CNTNAP2: variants seen among roughly 807,000 people sequenced by gnomAD.
The protein encoded by CNTNAP2 is contactin-associated protein-like 2.
In CNTNAP2, 98 loss-of-function variants were observed where a neutral mutation model predicts 155.2. The observed-to-expected ratio is 0.63, with a 90% confidence interval of 0.54 to 0.75. The LOEUF (loss-of-function observed/expected upper bound fraction) is 0.75. Ranked by LOEUF, CNTNAP2 falls within the 30% of genes least tolerant of loss-of-function variation. CNTNAP2 has a pLI of 0.00. For synonymous variants in CNTNAP2, 651 were observed against 631.2 expected, an observed-to-expected ratio of 1.03 and a Z score of -0.47; for missense variants, 1,727 against 1,688.1, an observed-to-expected ratio of 1.02 and a Z score of -0.40.
chr7:147,424,453 T>TTC (rs376803623), intron 10 of CNTNAP2, among the ~76,000 whole-genome samples: 7 of 151,926 alleles, frequency 4.6e-5, no homozygotes, highest in African/African-American at 7.2e-5. Flanking sequence ...TTCTTAGTAT[T>TTC]TCTCTCTCTC....
At chr7:148,040,437 C>T (rs546526100) in intron 15 of CNTNAP2, among the ~76,000 whole-genome samples, 1 of 152,238 alleles carries the variant, frequency 6.6e-6, no homozygotes, top group Admixed American at 6.5e-5. Context: ...GACTTAATTG[C>T]TCTGGAAAAG....
At chr7:147,366,563 C>T (rs1796232635) in intron 9 of CNTNAP2, among the ~76,000 whole-genome samples, 1 of 151,548 alleles carries the variant, frequency 6.6e-6, no homozygotes, top group African/African-American at 2.4e-5. Flanking sequence ...ATTTTTGTTA[C>T]TTCTTAAGAT....
chr7:148,119,545 A>T (rs927441271), intron 16 of CNTNAP2, among the ~76,000 whole-genome samples: 3 of 152,110 alleles, frequency 2.0e-5, no homozygotes, highest in Non-Finnish European at 4.4e-5. Context: ...CAGAAAAAAA[A>T]GTCTCCCTTT....
intron 13 of CNTNAP2, among the ~76,000 whole-genome samples, chr7:147,837,968 C>T (rs920724793): frequency 1.3e-5 from 2 of 152,172 alleles, no homozygotes; most frequent in Admixed American, 6.5e-5. Context: ...CACCCCGCCC[C>T]TGCAGCAAAT....
intron 5 of CNTNAP2, among the ~76,000 whole-genome samples, chr7:147,120,341 T>C (rs1032384314): frequency 3.9e-5 from 6 of 152,120 alleles, no homozygotes; most frequent in Admixed American, 1.3e-4. Context: ...TCTTCCCTAT[T>C]GTATATATGA....
intron 14 of CNTNAP2, among the ~76,000 whole-genome samples, chr7:147,928,622 T>C (rs1406358373): frequency 6.6e-6 from 1 of 152,146 alleles, no homozygotes; most frequent in Non-Finnish European, 1.5e-5. Context: ...ATGTTTTTGG[T>C]AGCCTAATAT....
intron 4 of CNTNAP2, among the ~76,000 whole-genome samples, chr7:147,088,810 G>T (rs1800335434): frequency 6.6e-6 from 1 of 152,124 alleles, no homozygotes; most frequent in African/African-American, 2.4e-5. Flanking sequence ...TGGACATGGT[G>T]GTGCCTCCCT....
intron 22 of CNTNAP2, among the ~76,000 whole-genome samples, chr7:148,400,882 A>T (rs982759787): frequency 1.3e-5 from 2 of 152,062 alleles, no homozygotes; most frequent in African/African-American, 4.8e-5. Context: ...CAGGAGGCTG[A>T]GGCAGGAGAA....
At chr7:146,564,443 A>G (rs1277223455) in intron 1 of CNTNAP2, among the ~76,000 whole-genome samples, 1 of 151,348 alleles carries the variant, frequency 6.6e-6, no homozygotes, top group Non-Finnish European at 1.5e-5. Context: ...TCTGGCACAG[A>G]GTAAGTACTT....
At chr7:147,033,335 A>G (rs761924850) in intron 3 of CNTNAP2, among the ~76,000 whole-genome samples, 3 of 151,290 alleles carry the variant, frequency 2.0e-5, no homozygotes, top group African/African-American at 4.9e-5. Flanking sequence ...TAATTTTTAC[A>G]TCTCTCCTGG....
chr7:148,290,805 T>C (rs1249490578), intron 21 of CNTNAP2, among the ~76,000 whole-genome samples: 2 of 152,208 alleles, frequency 1.3e-5, no homozygotes, highest in Non-Finnish European at 2.9e-5. Context: ...ATTCTGGCTC[T>C]AAACACAGGT....
At chr7:146,815,141 CA>C (rs1803140563) in intron 2 of CNTNAP2, among the ~76,000 whole-genome samples, 2 of 152,030 alleles carry the variant, frequency 1.3e-5, no homozygotes, top group Admixed American at 1.3e-4. Context: ...GTGCTGAATG[CA>C]GTTTTAAAAA....
At chr7:147,647,533 C>T in intron 13 of CNTNAP2, among the ~76,000 whole-genome samples, 1 of 152,204 alleles carries the variant, frequency 6.6e-6, no homozygotes, top group East Asian at 1.9e-4. Context: ...TAGGGCCTAA[C>T]CTCTATCACT....
chr7:146,483,328 T>TATATATATATAC (rs1459820598), intron 1 of CNTNAP2, among the ~76,000 whole-genome samples: 12 of 81,536 alleles, frequency 1.5e-4, no homozygotes, highest in Non-Finnish European at 2.3e-4. Flanking sequence ...TATATATATA[T>TATATATATATAC]ACATATATAT....
At chr7:146,234,884 A>G (rs1014527763) in intron 1 of CNTNAP2, among the ~76,000 whole-genome samples, 4 of 152,172 alleles carry the variant, frequency 2.6e-5, no homozygotes, top group South Asian at 2.1e-4. Flanking sequence ...TGGGAAGTCA[A>G]TTGTCCTGCT....
chr7:147,669,037 G>C (rs545829851), intron 13 of CNTNAP2, among the ~76,000 whole-genome samples: 23 of 152,090 alleles, frequency 1.5e-4, no homozygotes, highest in African/African-American at 5.5e-4. Context: ...TTGTGTTACA[G>C]TTGCCTAAGG....
At chr7:147,366,461 C>G (rs938964601) in intron 9 of CNTNAP2, among the ~76,000 whole-genome samples, 5 of 151,740 alleles carry the variant, frequency 3.3e-5, no homozygotes, top group Non-Finnish European at 5.9e-5. Flanking sequence ...CTTTGTATTA[C>G]CTTTCCTTTA....
chr7:146,391,640 A>T (rs541741793), intron 1 of CNTNAP2, among the ~76,000 whole-genome samples: 5 of 152,180 alleles, frequency 3.3e-5, no homozygotes, highest in Non-Finnish European at 7.3e-5. Context: ...ATGACTATCA[A>T]TTCACTTCAA....
chr7:148,366,284 ATG>A (rs1322540841), intron 21 of CNTNAP2, among the ~76,000 whole-genome samples: 2 of 149,250 alleles, frequency 1.3e-5, no homozygotes, highest in South Asian at 4.3e-4. Context: ...GTATATATGT[ATG>A]TGTACATGTA....
Sources: gnomAD v4.1 joint callset for allele counts (sites outside exome capture counted in the v4.1 genomes callset) on GRCh38, gnomAD v4.1.1 for gene constraint, MANE v1.5 for transcripts, NCBI Gene and HGNC (gene_info 2026-07-23, HGNC 2026-07-21) for gene names.